The following USP4 variants were observed in gnomAD, a reference collection of about 807,000 sequenced individuals.
USP4 encodes ubiquitin specific peptidase 4, also known as ubiquitin carboxyl-terminal hydrolase 4.
A neutral mutation model predicts 118.2 loss-of-function variants in USP4; 72 were observed. The ratio of observed to expected loss-of-function variants is 0.61; its 90% CI spans 0.50 to 0.74. The LOEUF is 0.74. Ranked by LOEUF, USP4 falls within the 30% of genes least tolerant of loss-of-function variation. The pLI, the probability that USP4 is intolerant of heterozygous loss-of-function variation, is 0.00. For synonymous variants in USP4, 415 were observed against 440.4 expected (o/e 0.94, Z 0.72); for missense variants, 1,037 against 1,185.7 (o/e 0.87, Z 1.84).
intron 6 of USP4, chr3:49,312,659 G>A (rs1236267745): frequency 4.2e-5 from 15 of 355,044 alleles, no homozygotes; most frequent in Non-Finnish European, 7.3e-5. Flanking sequence ...AGGCATGGCA[G>A]CATGTGCCTG....
intron 9 of USP4, 77 bp from the exon 10 acceptor site, chr3:49,302,619 A>C: frequency 6.8e-7 from 1 of 1,470,286 alleles, no homozygotes; most frequent in Non-Finnish European, 9.2e-7. Context: ...GCCATCAAAA[A>C]TAGCTCTGAG....
intron 6 of USP4, chr3:49,317,072 C>T (rs777814265): frequency 8.1e-7 from 1 of 1,230,142 alleles, no homozygotes; most frequent in Non-Finnish European, 1.2e-6. Flanking sequence ...AGGCCCTGCC[C>T]ATGGTCTGGT....
chr3:49,310,558 C>A, intron 8 of USP4, 62 bp downstream of exon 8: 1 of 1,422,174 alleles, frequency 7.0e-7, no homozygotes, highest in Non-Finnish European at 9.9e-7. Flanking sequence ...AGTACCTTTG[C>A]AGGCCACTTC....
At chr3:49,333,920 G>A (rs1198818398) in intron 2 of USP4, among the ~76,000 whole-genome samples, 1 of 152,124 alleles carries the variant, frequency 6.6e-6, no homozygotes, top group Non-Finnish European at 1.5e-5. Flanking sequence ...TCGGGAGGCT[G>A]AGGCAGGAGA....
At position 49,300,677 on chromosome 3, in the gene USP4, T is replaced by C. The variant is rs1471194864; in HGVS notation, c.1302A>G (p.Glu434=). The C allele has an allele frequency of 1.2e-6, 2 of 1,614,000 alleles. No individual in the cohort carries two copies. Among genetic ancestry groups the C allele is most frequent in the Non-Finnish European group, 1.7e-6 (2 of 1,180,042 alleles). ...TCCTCAACCTGTGATTCTCCCAGGC[T>C]TCCTTTGCCACCACCTGCGTCAAAG... ...NGRPDAVVAK[E]AWENHRLRND... The change falls in exon 11 of 22, where the codon GAA becomes GAG. Residue 434 remains glutamate (E), a synonymous_variant. Transcript: ENST00000265560.
At chr3:49,311,446 G>A (rs1399873332) in intron 7 of USP4, 68 bp downstream of exon 7, 1 of 1,557,414 alleles carries the variant, frequency 6.4e-7, no homozygotes, top group Non-Finnish European at 8.8e-7. Flanking sequence ...AGCAGCAGAT[G>A]AGCTCTCAAG....
intron 11 of USP4, 78 bp from the exon 12 acceptor site, chr3:49,298,713 T>A: frequency 7.8e-7 from 1 of 1,290,288 alleles, no homozygotes; most frequent in Non-Finnish European, 1.1e-6. Flanking sequence ...CAGGCATCAC[T>A]AGGGGCAGAG....
rs904860998 is a variant in USP4, at chr3:49,288,177, C to A, written c.1973-1852G>T. Reference sequence around the variant, plus strand: ...GTCCCTTTACACACAATAAGCCTGTCCCCCTCCTACACTGGCAAGAAAAAA... The same window carrying A: ...GTCCCTTTACACACAATAAGCCTGTACCCCTCCTACACTGGCAAGAAAAAA... On this transcript the variant is annotated intron_variant, in intron 15 of 21. Coordinates refer to ENST00000265560, the MANE Select transcript of USP4 (RefSeq NM_003363.4). Among the ~76,000 whole-genome samples, 3 of 152,192 alleles carry A rather than the reference C, an allele frequency of 2.0e-5. No homozygotes were observed. In the East Asian group the frequency reaches 5.8e-4, roughly 29 times the overall value.
chr3:49,321,876 T>TCAGGAGCA (rs1164236796), intron 6 of USP4, among the ~76,000 whole-genome samples: 1 of 151,948 alleles, frequency 6.6e-6, no homozygotes, highest in Non-Finnish European at 1.5e-5. Context: ...GCACCTGTAA[T>TCAGGAGCA]CCCAGCTACT....
chr3:49,288,389 T>A (rs1164282658), intron 15 of USP4, among the ~76,000 whole-genome samples: 1 of 152,196 alleles, frequency 6.6e-6, no homozygotes, highest in Non-Finnish European at 1.5e-5. Flanking sequence ...ATGGACTGTA[T>A]TTCACAGGAT....
chr3:49,332,015 G>T (rs2047622752), intron 2 of USP4, among the ~76,000 whole-genome samples: 1 of 151,510 alleles, frequency 6.6e-6, no homozygotes, highest in Non-Finnish European at 1.5e-5. Flanking sequence ...GCTCACACCT[G>T]TAATTCCAGC....
chr3:49,280,198 G>A (rs2047003653), intron 20 of USP4, among the ~76,000 whole-genome samples: 1 of 151,930 alleles, frequency 6.6e-6, no homozygotes, highest in Non-Finnish European at 1.5e-5. Context: ...GGGAGGTGGA[G>A]GTTGCAAGTG....
chr3:49,296,644 G>A (rs143116390), intron 13 of USP4, among the ~76,000 whole-genome samples: 6 of 152,190 alleles, frequency 3.9e-5, no homozygotes, highest in East Asian at 3.9e-4. Flanking sequence ...GCGAGACTCC[G>A]TCTAAAAAAA....
chr3:49,278,343 A>T lies in USP4; in HGVS notation c.2842T>A (p.Ser948Thr). 6.2e-7 allele frequency: 1 copy of T among 1,614,122 alleles called. No homozygotes were observed. The highest frequency in any genetic ancestry group is 8.5e-7 in the Non-Finnish European group (1 of 1,180,040). The change falls in exon 22 of 22, where the codon TCT becomes ACT. Residue 948 changes from serine (S) to threonine (T), a missense_variant. By Grantham distance (58) the Ser-to-Thr change is moderately conservative (BLOSUM62 1). Transcript: ENST00000265560. ...TCATCATCCCCAAAGCCCTGCTGAG[A>T]GCTGCTTGGTCGTGTCCCTCCATCA... ...SSDGGTRPSS[S>T]QQGFGDDEAC...
chr3:49,292,621 G>GA (rs753015309), intron 14 of USP4, 23 bp from the exon 15 acceptor site: 39 of 1,490,682 alleles, frequency 2.6e-5, no homozygotes, highest in African/African-American at 1.1e-4. Context: ...AAAAAGAGAA[G>GA]AAAAAAAAGA....
intron 4 of USP4, among the ~76,000 whole-genome samples, chr3:49,325,321 G>A (rs1267572734): frequency 1.3e-5 from 2 of 151,712 alleles, no homozygotes; most frequent in African/African-American, 4.8e-5. Context: ...CTCAGATATG[G>A]CTTCAAAAGC....
intron 19 of USP4, among the ~76,000 whole-genome samples, chr3:49,281,485 TATATATACACAC>T (rs1235700835): frequency 1.9e-5 from 2 of 106,812 alleles, no homozygotes; most frequent in African/African-American, 6.9e-5. Flanking sequence ...TGTATATATA[TATATATACACAC>T]ACACACACAC....
intron 8 of USP4, among the ~76,000 whole-genome samples, chr3:49,309,370 T>C (rs79189452): frequency 0.027 from 4,055 of 152,202 alleles, 168 homozygotes; most frequent in African/African-American, 0.092. Flanking sequence ...ACTATTACAG[T>C]GCTGTCACAT....
intron 15 of USP4, among the ~76,000 whole-genome samples, chr3:49,288,607 G>A (rs545721446): frequency 9.2e-5 from 14 of 152,202 alleles, no homozygotes; most frequent in African/African-American, 1.4e-4. Context: ...CCTGGGAGGC[G>A]GAGGTTGCAG....
Sources: allele counts gnomAD v4.1 joint callset (sites outside exome capture counted in the v4.1 genomes callset), GRCh38; gene constraint gnomAD v4.1.1; transcripts MANE v1.5; gene names NCBI Gene and HGNC (gene_info 2026-07-23, HGNC 2026-07-21).